The following LANCL1 variants were observed in gnomAD, a reference collection of about 807,000 sequenced individuals.
The protein encoded by LANCL1 is glutathione S-transferase LANCL1.
LANCL1 carries 50 observed loss-of-function variants against 50.6 expected under a neutral mutation model. The ratio of observed to expected loss-of-function variants is 0.99; its 90% confidence interval spans 0.79 to 1.25. The LOEUF (loss-of-function observed/expected upper bound fraction) is 1.25, where lower values mean the gene tolerates loss of function less well. Among genes scored for constraint, LANCL1 ranks in the 50% most tolerant of loss-of-function variants. The probability of loss-of-function intolerance (pLI) is 0.00; values close to 1 mark genes in which losing one functional copy is unlikely to be tolerated. For missense variants in LANCL1, 532 were observed against 480.7 expected (o/e 1.11, Z -1.00); for synonymous variants, 188 against 178.6 (o/e 1.05, Z -0.42).
chr2:210,473,334 C>T (rs1451661506), intron 2 of LANCL1, among the ~76,000 whole-genome samples: 1 of 152,100 alleles, frequency 6.6e-6, no homozygotes, highest in Non-Finnish European at 1.5e-5. Flanking sequence ...GAGATCGTGC[C>T]ACTGCACTCC....
At chr2:210,458,004 G>A (rs1435462003) in intron 3 of LANCL1, among the ~76,000 whole-genome samples, 1 of 152,136 alleles carries the variant, frequency 6.6e-6, no homozygotes, top group Non-Finnish European at 1.5e-5. Flanking sequence ...GGCAACTTTG[G>A]AAAATGTTCT....
chr2:210,476,294 G>A, intron 2 of LANCL1, 22 bp downstream of exon 2: 1 of 1,578,294 alleles, frequency 6.3e-7, no homozygotes, highest in Non-Finnish European at 8.7e-7. Flanking sequence ...CAGGGATGCA[G>A]GCAGACATAT....
At position 210,435,439 on chromosome 2, in the gene LANCL1, C is replaced by G. The variant is rs1692894424; in HGVS notation, c.1071G>C (p.Glu357Asp). ...RACKFAEWCL[E>D]YGEHGCRTPD... ...GTGTTCTGCATCCATGTTCTCCATA[C>G]TCTAAGCACCATTCAGCAAACTGAA... Residue 357 changes from glutamate to aspartate, a missense_variant, in exon 9 of 10, where the codon GAG (glutamate) becomes GAC (aspartate). Transcript: ENST00000450366. 6.2e-7 allele frequency: 1 copy of G among 1,613,482 alleles called. No individual in the cohort carries two copies. Among genetic ancestry groups the G allele is most frequent in the African/African-American group, 1.3e-5 (1 of 74,902 alleles).
Position 210,476,403 on chromosome 2 carries a change from G to A in LANCL1, c.-7C>T. 6.2e-7 allele frequency: 1 copy of A among 1,613,446 alleles called. No individual in the cohort carries two copies. Among genetic ancestry groups the A allele is most frequent in the Non-Finnish European group, 8.5e-7 (1 of 1,179,836 alleles). On this transcript the variant is annotated 5_prime_UTR_variant, in exon 2 of 10. Transcript: ENST00000450366. ...GGAAGGCCCTTTGAGCCATGACGCC[G>A]GAAGCAAGCCTGCAGAACAGGGGAA... is the stretch of plus-strand genomic sequence containing the variant.
At chr2:210,461,742 G>A (rs1693868340) in intron 3 of LANCL1, among the ~76,000 whole-genome samples, 1 of 114,974 alleles carries the variant, frequency 8.7e-6, no homozygotes, top group African/African-American at 3.1e-5. Flanking sequence ...CTAGAGTCCT[G>A]TATGTATTTT....
intron 3 of LANCL1, among the ~76,000 whole-genome samples, chr2:210,471,037 CTTTG>C (rs772998901): frequency 2.1e-5 from 3 of 142,056 alleles, no homozygotes; most frequent in Non-Finnish European, 4.5e-5. Context: ...AACTTTTCTT[CTTTG>C]ATTTTTTTTT....
rs548818623 is a variant in LANCL1, at chr2:210,452,536, A to T, written c.407+2571T>A. On this transcript the variant is annotated intron_variant, in intron 4 of 9. Coordinates refer to ENST00000450366, the MANE Select transcript of LANCL1 (RefSeq NM_006055.3). ...TTTGTAGGACAATTTGAACATGAAC[A>T]TACACACACACACCCTCCTTTTGGG... Among the ~76,000 whole-genome samples the T allele has an allele frequency of 6.6e-5, 10 of 152,272 alleles. No individual in the cohort carries two copies. The East Asian group carries it at 1.9e-3, about 29-fold the overall frequency.
intron 3 of LANCL1, among the ~76,000 whole-genome samples, chr2:210,462,433 A>C (rs1029269252): frequency 7.2e-5 from 11 of 152,196 alleles, no homozygotes; most frequent in Non-Finnish European, 1.6e-4. Context: ...CATGTACTAA[A>C]TTTTACAAAG....
intron 4 of LANCL1, among the ~76,000 whole-genome samples, chr2:210,445,126 C>T (rs1245275061): frequency 1.3e-5 from 2 of 151,322 alleles, no homozygotes; most frequent in Non-Finnish European, 1.5e-5. Context: ...TTTTGACTTA[C>T]TTTTGCAAAG....
intron 2 of LANCL1, among the ~76,000 whole-genome samples, chr2:210,472,447 T>C (rs1318831605): frequency 2.0e-5 from 3 of 152,172 alleles, no homozygotes; most frequent in African/African-American, 7.2e-5. Context: ...AACTACTGGA[T>C]TTTTAGTATT....
At chr2:210,441,510 G>T (rs1421191447) in intron 4 of LANCL1, 67 bp from the exon 5 acceptor site, 1 of 1,363,862 alleles carries the variant, frequency 7.3e-7, no homozygotes, top group South Asian at 1.5e-5. Context: ...ACTTAAAAAT[G>T]GTACATTGAA....
At position 210,433,294 on chromosome 2, in the gene LANCL1, A is replaced by T. The variant is rs1286829501; in HGVS notation, c.*1193T>A. On this transcript the variant is annotated 3_prime_UTR_variant, in exon 10 of 10. Transcript: ENST00000450366. Reference sequence around the variant, plus strand: ...ACGGAAAACCTGATTCTGTGGTCTCAGAAACTGATGAATTGTTAAGTCTAG... The same window carrying T: ...ACGGAAAACCTGATTCTGTGGTCTCTGAAACTGATGAATTGTTAAGTCTAG... The T allele has an allele frequency of 6.6e-6, 1 of 152,278 alleles. No individual in the cohort carries two copies. The highest frequency in any genetic ancestry group is 2.4e-5 in the African/African-American group (1 of 41,456). 9.4% of individuals were successfully genotyped at this position (152,278 alleles called of 1,614,324 possible).
intron 4 of LANCL1, among the ~76,000 whole-genome samples, chr2:210,442,372 C>T (rs896408372): frequency 6.6e-6 from 1 of 152,168 alleles, no homozygotes; most frequent in African/African-American, 2.4e-5. Context: ...AAATATTCTA[C>T]AGCTTGCTAT....
At chr2:210,470,042 G>A (rs1474283788) in intron 3 of LANCL1, among the ~76,000 whole-genome samples, 1 of 151,266 alleles carries the variant, frequency 6.6e-6, no homozygotes, top group African/African-American at 2.4e-5. Flanking sequence ...GTAAGTTTGA[G>A]CCTTATATAT....
At position 210,469,518 on chromosome 2, in the gene LANCL1, C is replaced by G. The variant is rs77497392; in HGVS notation, c.199+2441G>C. Among the ~76,000 whole-genome samples the G allele has an allele frequency of 4.2e-3, 636 of 152,240 alleles. 1 individual carries two copies. Among genetic ancestry groups the G allele is most frequent in the Admixed American group, 6.9e-3 (106 of 15,292 alleles). On this transcript the variant is annotated intron_variant, in intron 3 of 9. Transcript: ENST00000450366. ...TAGCAAATTTATCTAGAAGATTTTA[C>G]GTTACATCTTAAAACAACCAGCTGC... is the stretch of plus-strand genomic sequence containing the variant.
rs1321110867 is a variant in LANCL1, at chr2:210,440,596, AC to A, written c.690+1del. 1 of 1,611,626 alleles carries A rather than the reference AC, an allele frequency of 6.2e-7. No individual in the cohort carries two copies. The highest frequency in any genetic ancestry group is 1.3e-5 in the African/African-American group (1 of 74,910). ...TAAAATTTCACCATAATCACTCCTT[AC>A]CTGCATCAGGTAGTAATAAATTCCA... is the stretch of plus-strand genomic sequence containing the variant. On this transcript the variant is annotated splice_donor_variant, in intron 6 of 9. Transcript: ENST00000450366. LOFTEE classifies it high-confidence loss of function.
rs984367346 is a variant in LANCL1 at position 210,472,006 on chromosome 2, A to T, written c.152T>A (p.Leu51Gln). The change falls in exon 3 of 10, where the codon CTG (leucine) becomes CAG (glutamine). Residue 51 changes from leucine to glutamine, a missense_variant. Leu to Gln is a moderately radical substitution (Grantham distance 113). Coordinates refer to ENST00000450366, the MANE Select transcript of LANCL1 (RefSeq NM_006055.3). ...RELLQQMERG[L>Q]KSADPRDGTG... is the part of the protein sequence containing the mutation. The stretch of plus-strand genomic sequence containing the variant: ...GCCATCCCGAGGGTCTGCTGATTTC[A>T]GGCCTCTCTCCATTTGCTGAAGAAG... 3.1e-6 allele frequency: 5 copies of T among 1,614,024 alleles called. No homozygotes were observed. The African/African-American group carries it at 4.0e-5, about 13-fold the overall frequency.
Position 210,455,319 on chromosome 2 carries a change from A to AG in LANCL1, c.200-6_200-5insC. On this transcript the variant is annotated splice_region_variant and splice_polypyrimidine_tract_variant and intron_variant, in intron 3 of 9. Transcript: ENST00000450366. ...GTAAGTAAAGCACAGCAATACCTGAAAAAAAAAAAAGGAAACAATGTAAAG... is the reference window on the plus strand; with the variant it reads ...GTAAGTAAAGCACAGCAATACCTGAAGAAAAAAAAAAGGAAACAATGTAAAG... 1 of 1,576,358 alleles carries AG rather than the reference A, an allele frequency of 6.3e-7. No individual in the cohort carries two copies. The highest frequency in any genetic ancestry group is 8.6e-7 in the Non-Finnish European group (1 of 1,159,490).
At chr2:210,454,215 TACATACACACACAC>T (rs1419438713) in intron 4 of LANCL1, among the ~76,000 whole-genome samples, 1 of 127,842 alleles carries the variant, frequency 7.8e-6, no homozygotes, top group African/African-American at 3.0e-5. Flanking sequence ...GAGATATGCA[TACATACACACACAC>T]ACACACACAC....
Sources: gnomAD v4.1 joint callset for allele counts (sites outside exome capture counted in the v4.1 genomes callset) on GRCh38, gnomAD v4.1.1 for gene constraint, MANE v1.5 for transcripts, NCBI Gene and HGNC (gene_info 2026-07-23, HGNC 2026-07-21) for gene names.